SIRPD: variants seen among roughly 807,000 people sequenced by gnomAD.
The protein encoded by SIRPD is signal regulatory protein delta, also known as signal-regulatory protein delta.
A neutral mutation model predicts 18.0 loss-of-function variants in SIRPD; 21 were observed. The ratio of observed to expected loss-of-function variants is 1.17; its 90% CI spans 0.83 to 1.68. SIRPD has a LOEUF of 1.68. SIRPD is among the 40% of genes most tolerant of loss of function. The pLI is 0.00. For missense variants in SIRPD, 295 were observed against 238.4 expected, an observed-to-expected ratio of 1.24 and a Z score of -1.56; for synonymous variants, 106 against 92.9, an observed-to-expected ratio of 1.14 and a Z score of -0.81.
intron 2 of SIRPD, among the ~76,000 whole-genome samples, chr20:1,549,368 A>C (rs1052381570): frequency 3.1e-4 from 35 of 113,716 alleles, no homozygotes; most frequent in Non-Finnish European, 5.3e-4. Context: ...AGTTTCTGAT[A>C]CCTTTTTTTT....
At chr20:1,537,594 G>A (rs886902871) in intron 2 of SIRPD, among the ~76,000 whole-genome samples, 6 of 152,158 alleles carry the variant, frequency 3.9e-5, no homozygotes, top group South Asian at 2.1e-4. Flanking sequence ...CATAGAGAAC[G>A]GTGTGTCCAG....
At chr20:1,539,339 CATACTT>C (rs1320764125) in intron 2 of SIRPD, among the ~76,000 whole-genome samples, 4 of 152,200 alleles carry the variant, frequency 2.6e-5, no homozygotes, top group East Asian at 3.9e-4. Context: ...GATCAGAAAA[CATACTT>C]ATATAATTTT....
At chr20:1,546,069 G>A (rs1465088697) in intron 2 of SIRPD, among the ~76,000 whole-genome samples, 1 of 152,350 alleles carries the variant, frequency 6.6e-6, no homozygotes, top group Non-Finnish European at 1.5e-5. Flanking sequence ...CTGCTGGGAG[G>A]TGTCTCCCCA....
At position 1,551,774 on chromosome 20, in the gene SIRPD, C is replaced by G. The variant is rs761235171; in HGVS notation, c.338G>C (p.Gly113Ala). 3.1e-5 allele frequency: 50 copies of G among 1,613,910 alleles called. No individual in the cohort carries two copies. The highest frequency in any genetic ancestry group is 4.2e-5 in the Non-Finnish European group (49 of 1,179,974). The change falls in exon 2 of 4, where the codon GGC becomes GCC. Residue 113 changes from glycine to alanine, a missense_variant. Physicochemically the swap from Gly to Ala is moderately conservative, Grantham distance 60 (BLOSUM62 0). Transcript: ENST00000381623. ...TATGAACTTCACGCAGTAATAGGTG[C>G]CAGCATCAGCAAGAGAGATTTCACG... ...RIREISLADA[G>A]TYYCVKFIKG...
At chr20:1,540,974 T>A (rs1210064432) in intron 2 of SIRPD, among the ~76,000 whole-genome samples, 2 of 152,220 alleles carry the variant, frequency 1.3e-5, no homozygotes, top group African/African-American at 4.8e-5. Flanking sequence ...AAACTCATTC[T>A]TTTTTATGGC....
At chr20:1,549,375 T>G (rs1459200239) in intron 2 of SIRPD, among the ~76,000 whole-genome samples, 1 of 152,172 alleles carries the variant, frequency 6.6e-6, no homozygotes, top group African/African-American at 2.4e-5. Context: ...GATACCTTTT[T>G]TTTTTTGGTT....
rs1320132352 is a variant in SIRPD, at chr20:1,551,846, A to G, written c.266T>C (p.Ile89Thr). 5.0e-6 allele frequency: 8 copies of G among 1,613,968 alleles called. No individual in the cohort carries two copies. In the African/African-American group the frequency reaches 6.7e-5, roughly 13 times the overall value. The part of the protein sequence containing the change: ...KQGNFPRVKE[I>T]GDTTKPGNTD... ...GTTGCCAGGCTTGGTGGTGTCTCCA[A>G]TCTCTTTTACTCTGGGAAAGTTACC... is the stretch of plus-strand genomic sequence containing the variant. Residue 89 changes from isoleucine (I) to threonine (T), a missense_variant, in exon 2 of 4, where the codon ATT (isoleucine) becomes ACT (threonine). Physicochemically the swap from Ile to Thr is moderately conservative, Grantham distance 89. Transcript: ENST00000381623.
chr20:1,544,907 G>GAA (rs2090987187), intron 2 of SIRPD, among the ~76,000 whole-genome samples: 1 of 152,162 alleles, frequency 6.6e-6, no homozygotes, highest in African/African-American at 2.4e-5. Flanking sequence ...ATTCTGGGTT[G>GAA]AAAATTCTTT....
At chr20:1,535,302 C>T (rs1600060032) in intron 3 of SIRPD, among the ~76,000 whole-genome samples, 1 of 152,156 alleles carries the variant, frequency 6.6e-6, no homozygotes, top group Admixed American at 6.5e-5. Context: ...GTCCCATTGA[C>T]CCAGGTTTCA....
intron 1 of SIRPD, among the ~76,000 whole-genome samples, chr20:1,556,417 T>C (rs1005180951): frequency 1.3e-5 from 2 of 152,214 alleles, no homozygotes; most frequent in Non-Finnish European, 2.9e-5. Context: ...CAGATATAAA[T>C]GCAGTACATA....
At chr20:1,549,370 C>CT (rs11475966) in intron 2 of SIRPD, among the ~76,000 whole-genome samples, 113 of 147,310 alleles carry the variant, frequency 7.7e-4, no homozygotes, top group Non-Finnish European at 1.4e-3. Context: ...TTTCTGATAC[C>CT]TTTTTTTTTT....
At chr20:1,543,356 T>G (rs1340851773) in intron 2 of SIRPD, among the ~76,000 whole-genome samples, 1 of 152,188 alleles carries the variant, frequency 6.6e-6, no homozygotes, top group Non-Finnish European at 1.5e-5. Flanking sequence ...TGGACTAGAC[T>G]TGGGAGGGTG....
chr20:1,557,592 A>G lies in SIRPD; in HGVS notation c.62T>C (p.Leu21Pro), dbSNP rs1275862012. 2 of 1,579,910 alleles carry G rather than the reference A, an allele frequency of 1.3e-6. No homozygotes were observed. Among genetic ancestry groups the G allele is most frequent in the African/African-American group, 1.4e-5 (1 of 73,824 alleles). The change falls in exon 1 of 4, where the codon CTT (leucine) becomes CCT (proline). Residue 21 changes from leucine (L) to proline (P), a missense_variant. Physicochemically the swap from Leu to Pro is moderately conservative, Grantham distance 98. Transcript: ENST00000381623. ...GAGGCCCCACTCACCTGCCAGTTCA[A>G]GCAGCAGATACAGCAGTAAGGAAGG... ...PLPSLLLYLLLELAGVTHVFH... is the reference protein window; with the variant it reads ...PLPSLLLYLLPELAGVTHVFH...
intron 3 of SIRPD, 85 bp downstream of exon 3, chr20:1,537,070 C>A: frequency 6.6e-7 from 1 of 1,505,814 alleles, no homozygotes; most frequent in Non-Finnish European, 9.1e-7. Context: ...GATTCATCCG[C>A]CCCACTGCAG....
At chr20:1,541,100 CA>C (rs1335693318) in intron 2 of SIRPD, among the ~76,000 whole-genome samples, 1 of 152,146 alleles carries the variant, frequency 6.6e-6, no homozygotes, top group Non-Finnish European at 1.5e-5. Context: ...AATAAACATA[CA>C]TGTGCATGTG....
chr20:1,548,180 T>C (rs796904557), intron 2 of SIRPD, among the ~76,000 whole-genome samples: 14 of 152,352 alleles, frequency 9.2e-5, no homozygotes, highest in African/African-American at 3.4e-4. Flanking sequence ...CTAACCATCC[T>C]CATTAATTGT....
At position 1,534,255 on chromosome 20, in the gene SIRPD, A is replaced by T; in HGVS notation, c.*170T>A. On this transcript the variant is annotated 3_prime_UTR_variant, in exon 4 of 4. Coordinates refer to ENST00000381623, the MANE Select transcript of SIRPD (RefSeq NM_178460.3). ...AACAGAAGAGAGAACCTGGAATTGG[A>T]CCCAGGTAAATAGACAGATTTATTG... is the stretch of plus-strand genomic sequence containing the variant. The T allele has an allele frequency of 1.2e-6, 1 of 857,856 alleles. No individual in the cohort carries two copies. The highest frequency in any genetic ancestry group is 1.8e-6 in the Non-Finnish European group (1 of 552,736). 53.1% of individuals were successfully genotyped at this position (857,856 alleles called of 1,614,324 possible). A position where few individuals can be genotyped will look rare whatever the true frequency, so the allele number is the denominator to read the frequency against.
intron 1 of SIRPD, among the ~76,000 whole-genome samples, chr20:1,556,311 G>A (rs1431813101): frequency 1.3e-5 from 2 of 152,184 alleles, no homozygotes; most frequent in Non-Finnish European, 2.9e-5. Context: ...AGTATCTTAA[G>A]TTAGCTTTTA....
intron 2 of SIRPD, among the ~76,000 whole-genome samples, chr20:1,549,132 G>A (rs1004452380): frequency 4.6e-5 from 7 of 150,788 alleles, no homozygotes; most frequent in African/African-American, 1.7e-4. Context: ...TCCCCTCTAG[G>A]GTAATTTTTC....
Sources: allele counts gnomAD v4.1 joint callset (sites outside exome capture counted in the v4.1 genomes callset), GRCh38; gene constraint gnomAD v4.1.1; transcripts MANE v1.5; gene names NCBI Gene and HGNC (gene_info 2026-07-23, HGNC 2026-07-21).